DDX60L: variants seen among roughly 807,000 people sequenced by gnomAD.
The protein encoded by DDX60L is DExD/H-box 60 like.
A neutral mutation model predicts 211.6 loss-of-function variants in DDX60L; 191 were observed. The ratio of observed to expected loss-of-function variants is 0.90; its 90% CI spans 0.80 to 1.02. The LOEUF (loss-of-function observed/expected upper bound fraction) is 1.02. Among genes scored for constraint, DDX60L ranks in the 50% least tolerant of loss-of-function variants. The pLI, the probability that DDX60L is intolerant of heterozygous loss-of-function variation, is 0.00. For synonymous variants in DDX60L, 706 were observed against 694.1 expected (o/e 1.02, Z -0.27); for missense variants, 2,007 against 1,984.1 (o/e 1.01, Z -0.22).
chr4:168,400,873 A>G lies in DDX60L; in HGVS notation c.3444T>C (p.Phe1148=), dbSNP rs1746673246. The change falls in exon 26 of 38, where the codon TTT becomes TTC. Residue 1148 remains phenylalanine (F), a synonymous_variant. Transcript: ENST00000682922. The part of the protein sequence containing the change: ...HPHTECHSYV[F]AIDEVLEKVR... Reference sequence around the variant, plus strand: ...CTTTTTCAAGTACTTCATCTATTGCAAAGACATAACTATGACATTCAGTGT... The same window carrying G: ...CTTTTTCAAGTACTTCATCTATTGCGAAGACATAACTATGACATTCAGTGT... 2 of 1,613,466 alleles carry G rather than the reference A, an allele frequency of 1.2e-6. No homozygotes were observed. Among genetic ancestry groups the G allele is most frequent in the South Asian group, 2.2e-5 (2 of 91,020 alleles).
intron 37 of DDX60L, among the ~76,000 whole-genome samples, chr4:168,359,347 C>A (rs1203855244): frequency 6.6e-6 from 1 of 152,112 alleles, no homozygotes; most frequent in African/African-American, 2.4e-5. Context: ...TTTTAAATTC[C>A]AACTCATACT....
chr4:168,455,923 G>A (rs754056347), intron 7 of DDX60L, 116 bp downstream of exon 7: 53 of 653,300 alleles, frequency 8.1e-5, no homozygotes, highest in Non-Finnish European at 1.2e-4. Context: ...AGAAAATGGC[G>A]GTCAGAAACC....
intron 33 of DDX60L, among the ~76,000 whole-genome samples, chr4:168,377,271 G>A (rs1742122977): frequency 1.3e-5 from 2 of 151,652 alleles, no homozygotes; most frequent in African/African-American, 4.8e-5. Flanking sequence ...TAGCCTGGGT[G>A]AGTGAGCAAG....
intron 24 of DDX60L, 96 bp from the exon 25 acceptor site, chr4:168,404,202 T>C (rs1747345725): frequency 3.3e-6 from 3 of 903,862 alleles, no homozygotes; most frequent in Non-Finnish European, 4.6e-6. Context: ...ATTAGAATAA[T>C]TTTTCATATA....
intron 4 of DDX60L, among the ~76,000 whole-genome samples, chr4:168,467,445 C>CAAAAAA (rs199648164): frequency 0.083 from 8,712 of 105,572 alleles, 180 homozygotes; most frequent in Non-Finnish European, 0.13. Context: ...GTTTCCATTC[C>CAAAAAA]AAAAAAAAAA....
chr4:168,416,547 C>T, intron 20 of DDX60L, 135 bp downstream of exon 20: 2 of 508,862 alleles, frequency 3.9e-6, no homozygotes, highest in South Asian at 6.3e-5. Context: ...AGCAAGACCA[C>T]TGACGTTTCA....
At chr4:168,419,498 T>C in intron 18 of DDX60L, 101 bp from the exon 19 acceptor site, 1 of 689,946 alleles carries the variant, frequency 1.4e-6, no homozygotes, top group Non-Finnish European at 2.3e-6. Context: ...CTGATAGCAG[T>C]TTCATTAAGA....
intron 13 of DDX60L, among the ~76,000 whole-genome samples, chr4:168,429,741 G>A (rs191279244): frequency 5.6e-4 from 85 of 152,274 alleles, no homozygotes; most frequent in South Asian, 4.4e-3. Flanking sequence ...GGGGGTTTCC[G>A]ATAAATGGTT....
At chr4:168,475,161 C>T (rs903855617) in intron 1 of DDX60L, among the ~76,000 whole-genome samples, 1 of 152,144 alleles carries the variant, frequency 6.6e-6, no homozygotes, top group African/African-American at 2.4e-5. Context: ...AATTGCTTAC[C>T]ATCTCTGTTT....
At chr4:168,448,491 T>A (rs1755164445) in intron 9 of DDX60L, 147 bp downstream of exon 9, 1 of 550,474 alleles carries the variant, frequency 1.8e-6, no homozygotes, top group East Asian at 3.2e-5. Flanking sequence ...TGCTATTAAG[T>A]GAAGAAAAAA....
chr4:168,436,747 C>G (rs1044306232), intron 10 of DDX60L, among the ~76,000 whole-genome samples: 1 of 152,168 alleles, frequency 6.6e-6, no homozygotes, highest in Non-Finnish European at 1.5e-5. Flanking sequence ...TCTGTTCTGG[C>G]ACCCCTATGT....
At chr4:168,372,082 A>C (rs571429176) in intron 35 of DDX60L, among the ~76,000 whole-genome samples, 1 of 152,332 alleles carries the variant, frequency 6.6e-6, no homozygotes, top group South Asian at 2.1e-4. Context: ...TGTTAGCAAC[A>C]TTCACTAAGG....
chr4:168,459,426 T>A (rs1757005360), intron 5 of DDX60L, among the ~76,000 whole-genome samples: 1 of 152,014 alleles, frequency 6.6e-6, no homozygotes, highest in Non-Finnish European at 1.5e-5. Context: ...AATAGAGACT[T>A]ACTGGTAACA....
At chr4:168,477,218 A>G (rs1211398663) in intron 1 of DDX60L, among the ~76,000 whole-genome samples, 2 of 152,144 alleles carry the variant, frequency 1.3e-5, no homozygotes, top group African/African-American at 2.4e-5. Context: ...GATCGAGACC[A>G]TCCTGGCTAA....
intron 4 of DDX60L, among the ~76,000 whole-genome samples, chr4:168,462,342 A>C (rs538316904): frequency 1.4e-4 from 21 of 152,214 alleles, no homozygotes; most frequent in Non-Finnish European, 1.3e-4. Flanking sequence ...ATCTGAATTG[A>C]GAAGCTGATG....
intron 30 of DDX60L, chr4:168,380,772 G>A (rs928696081): frequency 6.6e-6 from 1 of 152,180 alleles, no homozygotes. Flanking sequence ...AAGAAGACAG[G>A]AAGATGAGGG....
intron 8 of DDX60L, among the ~76,000 whole-genome samples, chr4:168,451,052 T>C (rs1309856224): frequency 6.6e-6 from 1 of 152,232 alleles, no homozygotes; most frequent in African/African-American, 2.4e-5. Flanking sequence ...TGAAATATGA[T>C]TCATATGAAC....
chr4:168,413,782 G>A (rs1314857293), intron 22 of DDX60L, among the ~76,000 whole-genome samples: 2 of 152,028 alleles, frequency 1.3e-5, no homozygotes. Context: ...TGGCCTTAAA[G>A]GGGCTTAAAA....
chr4:168,400,933 A>G lies in DDX60L; in HGVS notation c.3384T>C (p.Thr1128=). The G allele has an allele frequency of 1.2e-6, 2 of 1,613,886 alleles. No individual in the cohort carries two copies. The highest frequency in any genetic ancestry group is 1.7e-6 in the Non-Finnish European group (2 of 1,179,808). Residue 1128 remains threonine, a synonymous_variant, in exon 26 of 38, where the codon ACT becomes ACC. Coordinates refer to ENST00000682922, the MANE Select transcript of DDX60L (RefSeq NM_001012967.3). ...TTTTTGTCTCTGTCTTCTCCAGAAA[A>G]GTGCACACACTTCCAGCTCTTTTTC... ...DVGKRAGSVC[T]FLEKTETKSH... is the part of the protein sequence containing the mutation.
Sources: gnomAD v4.1 joint callset for allele counts (sites outside exome capture counted in the v4.1 genomes callset) on GRCh38, gnomAD v4.1.1 for gene constraint, MANE v1.5 for transcripts, NCBI Gene and HGNC (gene_info 2026-07-23, HGNC 2026-07-21) for gene names.